CCDC9B: variants seen among roughly 807,000 people sequenced by gnomAD.
CCDC9B encodes the protein coiled-coil domain containing 9B.
In CCDC9B, 40 loss-of-function variants were observed where a neutral mutation model predicts 47.2. The ratio of observed to expected loss-of-function variants is 0.85; its 90% CI spans 0.66 to 1.10. The LOEUF is 1.10. Ranked by LOEUF, CCDC9B falls within the 50% of genes least tolerant of loss-of-function variation. CCDC9B has a pLI of 0.00. For synonymous variants in CCDC9B, 238 were observed against 250.7 expected, an observed-to-expected ratio of 0.95 and a Z score of 0.48; for missense variants, 662 against 651.0, an observed-to-expected ratio of 1.02 and a Z score of -0.18.
At chr15:40,340,156 G>A in intron 1 of CCDC9B, 141 bp from the exon 2 acceptor site, 1 of 621,870 alleles carries the variant, frequency 1.6e-6, no homozygotes, top group South Asian at 1.9e-5. Context: ...TGCTTAGGGA[G>A]ATGGCCCAAA....
At chr15:40,339,840 C>A in intron 2 of CCDC9B, 65 bp downstream of exon 2, 1 of 1,446,326 alleles carries the variant, frequency 6.9e-7, no homozygotes. Flanking sequence ...AGGGAGACCA[C>A]CACGTGTGGG....
At chr15:40,339,418 G>A (rs890126017) in intron 3 of CCDC9B, 94 bp downstream of exon 3, 3 of 1,339,286 alleles carry the variant, frequency 2.2e-6, no homozygotes, top group African/African-American at 1.4e-5. Flanking sequence ...AGAATAGTTA[G>A]TAGGAGAGGG....
intron 2 of CCDC9B, 103 bp downstream of exon 2, chr15:40,339,802 A>C: frequency 7.2e-7 from 1 of 1,396,082 alleles, no homozygotes; most frequent in Non-Finnish European, 9.9e-7. Context: ...CCCTGGCCCC[A>C]GCCCCAGAGG....
rs1457726651 is a variant in CCDC9B, at chr15:40,339,019, A to G, written c.232-116T>C. The G allele has an allele frequency of 2.6e-6, 3 of 1,153,464 alleles. No individual in the cohort carries two copies. The East Asian group carries it at 7.1e-5, about 27-fold the overall frequency. The allele number at this position is 1,153,464 out of a possible 1,614,324, so 71.5% of individuals were successfully genotyped here. ...AACCCCAGCCCTCCCTGCATTCCCC[A>G]CAGAAGAGCTGACTCCCACAGGGTG... On this transcript the variant is annotated intron_variant, in intron 3 of 10. Coordinates refer to ENST00000397536, the MANE Select transcript of CCDC9B (RefSeq NM_207380.3).
At chr15:40,335,914 G>A in intron 9 of CCDC9B, 88 bp from the exon 10 acceptor site, 1 of 1,548,706 alleles carries the variant, frequency 6.5e-7, no homozygotes, top group Non-Finnish European at 8.7e-7. Flanking sequence ...GGGTGGAGTT[G>A]AGAGCCAGTG....
Position 40,336,558 on chromosome 15 carries a change from C to A in CCDC9B, c.887+16G>T. 1 of 1,609,538 alleles carries A rather than the reference C, an allele frequency of 6.2e-7. No individual in the cohort carries two copies. Among genetic ancestry groups the A allele is most frequent in the East Asian group, 2.2e-5 (1 of 44,804 alleles). On this transcript the variant is annotated intron_variant, in intron 9 of 10. Transcript: ENST00000397536. The stretch of plus-strand genomic sequence containing the variant: ...CCCACATGCCCGTCTTGATTTTGTC[C>A]CCTGCCACCTGTTACCTTCGGGCCC...
chr15:40,335,844 A>T lies in CCDC9B; in HGVS notation c.888-18T>A, dbSNP rs1185332888. ...TATCCCACCTGTAGAAACACAGCTCATGGCACGCCCCACCCCACTTCACTC... is the reference window on the plus strand; with the variant it reads ...TATCCCACCTGTAGAAACACAGCTCTTGGCACGCCCCACCCCACTTCACTC... On this transcript the variant is annotated intron_variant, in intron 9 of 10. Coordinates refer to ENST00000397536, the MANE Select transcript of CCDC9B (RefSeq NM_207380.3). The T allele has an allele frequency of 1.7e-5, 28 of 1,605,974 alleles. No individual in the cohort carries two copies. The highest frequency in any genetic ancestry group is 2.3e-5 in the Non-Finnish European group (27 of 1,176,186).
intron 2 of CCDC9B, 89 bp downstream of exon 2, chr15:40,339,816 A>G: frequency 1.4e-6 from 2 of 1,402,122 alleles, no homozygotes; most frequent in Non-Finnish European, 2.0e-6. Context: ...CCAGAGGCGC[A>G]TTGCTGAGCC....
Position 40,339,599 on chromosome 15 carries a change from C to G in CCDC9B, c.144G>C (p.Arg48=). 6.2e-7 allele frequency: 1 copy of G among 1,613,542 alleles called. No homozygotes were observed. The highest frequency in any genetic ancestry group is 8.5e-7 in the Non-Finnish European group (1 of 1,179,888). ...RRYQEIQEDR[R]QAEQGGMAVT... ...CAGCCATCCCCCCCTGCTCTGCCTG[C>G]CGACGGTCCTCCTGGATCTCCTGTG... is the stretch of plus-strand genomic sequence containing the variant. The change falls in exon 3 of 11, where the codon CGG becomes CGC. Residue 48 remains arginine (R), a synonymous_variant. Transcript: ENST00000397536.
intron 7 of CCDC9B, 94 bp from the exon 8 acceptor site, chr15:40,336,907 C>T (rs888116621): frequency 1.8e-5 from 24 of 1,315,536 alleles, no homozygotes; most frequent in South Asian, 1.0e-4. Context: ...TGTCAGTCCT[C>T]GGGGCCAGTC....
In CCDC9B at chr15:40,338,558, T is replaced by C; in HGVS notation, c.490A>G (p.Ile164Val). The C allele has an allele frequency of 1.2e-6, 2 of 1,614,118 alleles. No individual in the cohort carries two copies. Among genetic ancestry groups the C allele is most frequent in the Non-Finnish European group, 1.7e-6 (2 of 1,180,002 alleles). ...VTRSPPTQVA[I>V]SSDSARKGSW... ...ACCTTCCGTGCAGAATCTGAGCTGA[T>C]GGCCACCTGCGTGGGGGGGCTTCGG... is the stretch of plus-strand genomic sequence containing the variant. Residue 164 changes from isoleucine (I) to valine (V), a missense_variant, in exon 5 of 11, where the codon ATC becomes GTC. Transcript: ENST00000397536.
intron 6 of CCDC9B, 77 bp from the exon 7 acceptor site, chr15:40,337,523 A>C (rs1225171793): frequency 1.0e-5 from 14 of 1,348,528 alleles, no homozygotes; most frequent in Admixed American, 4.7e-5. Context: ...CCCTCCCCGA[A>C]GCCCAGGCCC....
chr15:40,335,577 G>C lies in CCDC9B; in HGVS notation c.1054C>G (p.Pro352Ala). Residue 352 changes from proline (P) to alanine (A), a missense_variant, in exon 11 of 11, where the codon CCG becomes GCG. Transcript: ENST00000397536. ...ASPALASPEG[P>A]KGESVASTAS... The stretch of plus-strand genomic sequence containing the variant: ...GTGGAAGCCACTGACTCCCCCTTCG[G>C]CCCCTCTGGGGATGCCAGGGCTGGG... 1 of 1,500,194 alleles carries C rather than the reference G, an allele frequency of 6.7e-7. No individual in the cohort carries two copies. The highest frequency in any genetic ancestry group is 8.9e-7 in the Non-Finnish European group (1 of 1,122,980). The allele number at this position is 1,500,194 out of a possible 1,614,324, so 92.9% of individuals were successfully genotyped here. A position where few individuals can be genotyped will look rare whatever the true frequency, so the allele number is the denominator to read the frequency against.
chr15:40,336,537 C>G (rs758115534), intron 9 of CCDC9B, 37 bp downstream of exon 9: 1 of 1,603,432 alleles, frequency 6.2e-7, no homozygotes, highest in Non-Finnish European at 8.5e-7. Context: ...GGGACACCCA[C>G]ATGCCCGTCT....
Position 40,335,464 on chromosome 15 carries a change from C to T in CCDC9B, c.1167G>A (p.Arg389=), listed in dbSNP as rs747802904. The T allele has an allele frequency of 1.9e-6, 3 of 1,600,814 alleles. No individual in the cohort carries two copies. Among genetic ancestry groups the T allele is most frequent in the Admixed American group, 3.4e-5 (2 of 58,418 alleles). The change falls in exon 11 of 11, where the codon AGG becomes AGA. Residue 389 remains arginine (R), a synonymous_variant. Transcript: ENST00000397536. ...SLGGAGIPGP[R]ESGCVLGLRP... is the part of the protein sequence containing the mutation. ...TCAGACCGAGCACACACCCGCTCTC[C>T]CTGGGCCCAGGGATGCCAGCCCCTC... is the stretch of plus-strand genomic sequence containing the variant.
At chr15:40,340,272 G>A (rs943078913) in intron 1 of CCDC9B, 5 of 505,434 alleles carry the variant, frequency 9.9e-6, no homozygotes, top group African/African-American at 1.9e-5. Flanking sequence ...CCAGCAGTGG[G>A]GTGCCCCTCC....
rs373181231 is a variant in CCDC9B, at chr15:40,336,751, C to G, written c.796+9G>C. The G allele has an allele frequency of 2.5e-6, 4 of 1,599,952 alleles. No homozygotes were observed. The highest frequency in any genetic ancestry group is 3.4e-6 in the Non-Finnish European group (4 of 1,172,960). ...GACGAGACCTGGCCCCTCCTCCTCC[C>G]CAACTCACCTTTTCCATCAGGGAGC... On this transcript the variant is annotated intron_variant, in intron 8 of 10. Coordinates refer to ENST00000397536, the MANE Select transcript of CCDC9B (RefSeq NM_207380.3).
chr15:40,335,874 G>C, intron 9 of CCDC9B, 48 bp from the exon 10 acceptor site: 1 of 1,587,326 alleles, frequency 6.3e-7, no homozygotes, highest in East Asian at 2.3e-5. Flanking sequence ...TCACTCCAGA[G>C]CCATGTCCCC....
In CCDC9B at chr15:40,339,977, C is replaced by T; in HGVS notation, c.51G>A (p.Glu17=). ...PRAESPMSRQ[E]KDAELDRRIV... is the part of the protein sequence containing the mutation. ...TCCTCCGATCCAGCTCTGCGTCCTT[C>T]TCCTGCCTGCTCATGGGGGACTCGG... The change falls in exon 2 of 11, where the codon GAG becomes GAA. Residue 17 remains glutamate (E), a synonymous_variant. Coordinates refer to ENST00000397536, the MANE Select transcript of CCDC9B (RefSeq NM_207380.3). The T allele has an allele frequency of 1.2e-6, 2 of 1,613,814 alleles. No homozygotes were observed. Among genetic ancestry groups the T allele is most frequent in the South Asian group, 1.1e-5 (1 of 91,090 alleles).
Sources: allele counts gnomAD v4.1 joint callset, GRCh38; gene constraint gnomAD v4.1.1; transcripts MANE v1.5; gene names NCBI Gene and HGNC (gene_info 2026-07-23, HGNC 2026-07-21).